Variants in FGD5 observed in about 807,000 individuals in gnomAD.
FGD5 encodes the protein FYVE, RhoGEF and PH domain-containing protein 5.
Under a neutral mutation model 133.4 loss-of-function variants are expected in FGD5, and 28 were observed. The observed-to-expected ratio is 0.21, with a 90% confidence interval of 0.16 to 0.29. The LOEUF (loss-of-function observed/expected upper bound fraction) is 0.29. Ranked by LOEUF, FGD5 falls within the 10% of genes least tolerant of loss-of-function variation. The pLI is 1.00. For missense variants in FGD5, 1,858 were observed against 1,895.2 expected (o/e 0.98, Z 0.36); for synonymous variants, 810 against 776.5 (o/e 1.04, Z -0.72).
chr3:14,880,311 G>A (rs867536570), intron 2 of FGD5, among the ~76,000 whole-genome samples: 6 of 152,128 alleles, frequency 3.9e-5, no homozygotes, highest in Non-Finnish European at 5.9e-5. Flanking sequence ...CTGAGATCAC[G>A]CCACTGCACT....
chr3:14,877,435 CAGT>C, intron 2 of FGD5, among the ~76,000 whole-genome samples: 1 of 152,244 alleles, frequency 6.6e-6, no homozygotes, highest in Admixed American at 6.5e-5. Flanking sequence ...GAGATTGTAA[CAGT>C]GGTAATGATG....
intron 1 of FGD5, among the ~76,000 whole-genome samples, chr3:14,861,719 CCAGCAGCGTCTGATGCTGGGGAGACCA>C (rs1440759631): frequency 6.6e-6 from 1 of 152,058 alleles, no homozygotes. Context: ...TCTGTGATGC[CCAGCAGCGTCTGATGCTGGGGAGACCA>C]CAGCAGCAGC....
intron 1 of FGD5, among the ~76,000 whole-genome samples, chr3:14,827,921 G>T (rs1238085622): frequency 6.6e-6 from 1 of 152,214 alleles, no homozygotes; most frequent in South Asian, 2.1e-4. Flanking sequence ...TAAGGATTCT[G>T]CTCCGCCAGC....
chr3:14,880,672 C>T (rs1483167283), intron 3 of FGD5, 42 bp downstream of exon 3: 4 of 1,614,008 alleles, frequency 2.5e-6, no homozygotes, highest in South Asian at 1.1e-5. Flanking sequence ...AGCTTATAAA[C>T]AAAACGTCAC....
chr3:14,844,262 ATATATATAT>A, intron 1 of FGD5, among the ~76,000 whole-genome samples: 1 of 81,472 alleles, frequency 1.2e-5, no homozygotes, highest in Admixed American at 1.3e-4. Flanking sequence ...ATATATATAT[ATATATATAT>A]AATGCAGGTT....
At chr3:14,889,669 G>A (rs1443054404) in intron 4 of FGD5, among the ~76,000 whole-genome samples, 1 of 152,124 alleles carries the variant, frequency 6.6e-6, no homozygotes, top group Non-Finnish European at 1.5e-5. Context: ...TCCAGTGTAT[G>A]AGACCAGTGT....
upstream of FGD5, among the ~76,000 whole-genome samples, chr3:14,814,280 A>G (rs752078): frequency 0.32 from 48,031 of 152,008 alleles, 8,251 homozygotes; most frequent in African/African-American, 0.44. Context: ...GTTTCGCCCT[A>G]CCATACCCTA....
rs1213453757 is a variant in FGD5 at position 14,932,687 on chromosome 3, C to T, written c.4308C>T (p.Thr1436=). ...TTTTTCACCTTTACCACAAGAAAAC[C>T]CTATTTTATAGCTTCAAAGCAGAAG... ...GPIFHLYHKK[T]LFYSFKAEDT... The change falls in exon 19 of 20, where the codon ACC becomes ACT. Residue 1436 remains threonine, a synonymous_variant. Coordinates refer to ENST00000285046, the MANE Select transcript of FGD5 (RefSeq NM_152536.4). 2 of 1,613,954 alleles carry T rather than the reference C, an allele frequency of 1.2e-6. No individual in the cohort carries two copies. The highest frequency in any genetic ancestry group is 1.7e-6 in the Non-Finnish European group (2 of 1,179,880).
intron 9 of FGD5, among the ~76,000 whole-genome samples, chr3:14,902,839 A>G (rs1469888550): frequency 6.6e-6 from 1 of 152,196 alleles, no homozygotes; most frequent in Non-Finnish European, 1.5e-5. Context: ...TAGGTCAGGC[A>G]GGGATACATC....
intron 1 of FGD5, among the ~76,000 whole-genome samples, chr3:14,813,547 G>C (rs185843833): frequency 1.6e-4 from 24 of 152,330 alleles, no homozygotes; most frequent in Non-Finnish European, 3.4e-4. Flanking sequence ...GTGAACTGCA[G>C]CTGAAACAGA....
At chr3:14,900,308 C>A (rs559118619) in intron 7 of FGD5, 95 bp from the exon 8 acceptor site, 12 of 1,283,062 alleles carry the variant, frequency 9.4e-6, no homozygotes, top group Admixed American at 1.9e-5. Flanking sequence ...ATGCTTCATT[C>A]TTCCAACTCT....
At chr3:14,857,658 A>C (rs1030679329) in intron 1 of FGD5, among the ~76,000 whole-genome samples, 1 of 152,116 alleles carries the variant, frequency 6.6e-6, no homozygotes, top group Non-Finnish European at 1.5e-5. Flanking sequence ...GGGCCTTTCT[A>C]CTGGTTCTGA....
At chr3:14,825,563 T>C (rs113566277) in intron 1 of FGD5, among the ~76,000 whole-genome samples, 6,443 of 152,144 alleles carry the variant, frequency 0.042, 186 homozygotes, top group Middle Eastern at 0.088. Context: ...GGCGGGAGGA[T>C]CACTTGAGCT....
intron 10 of FGD5, among the ~76,000 whole-genome samples, chr3:14,908,949 T>TTCATTCATTC (rs1553630947): frequency 8.5e-5 from 12 of 141,134 alleles, no homozygotes; most frequent in South Asian, 4.5e-4. Context: ...TTTATTTATT[T>TTCATTCATTC]ATTCATTCAT....
chr3:14,875,363 A>T (rs2037696536), intron 2 of FGD5, among the ~76,000 whole-genome samples: 1 of 152,174 alleles, frequency 6.6e-6, no homozygotes, highest in Non-Finnish European at 1.5e-5. Flanking sequence ...CATACGGGGC[A>T]TCGGGGGCAC....
At chr3:14,932,453 G>A in intron 18 of FGD5, 124 bp from the exon 19 acceptor site, 1 of 1,115,790 alleles carries the variant, frequency 9.0e-7, no homozygotes, top group East Asian at 2.7e-5. Flanking sequence ...TGTGTGGTGA[G>A]CCCGAAGGTG....
intron 4 of FGD5, among the ~76,000 whole-genome samples, chr3:14,895,993 A>T (rs574991062): frequency 2.0e-5 from 3 of 152,334 alleles, no homozygotes; most frequent in South Asian, 4.1e-4. Flanking sequence ...ACCCAAAGTG[A>T]ACAATCTAAA....
chr3:14,855,919 G>A (rs2037268795), intron 1 of FGD5, among the ~76,000 whole-genome samples: 1 of 152,104 alleles, frequency 6.6e-6, no homozygotes. Flanking sequence ...TGTTGCCTGT[G>A]TTTTTGAGGT....
chr3:14,821,725 GGT>G, intron 1 of FGD5, 129 bp downstream of exon 1: 1 of 1,306,682 alleles, frequency 7.7e-7, no homozygotes, highest in Non-Finnish European at 1.0e-6. Context: ...GTTGACTTGG[GGT>G]GAGTGGCTTT....
Sources: allele counts gnomAD v4.1 joint callset (sites outside exome capture counted in the v4.1 genomes callset), GRCh38; gene constraint gnomAD v4.1.1; transcripts MANE v1.5; gene names NCBI Gene and HGNC (gene_info 2026-07-23, HGNC 2026-07-21).